The following NLRP2 variants were observed in gnomAD, a reference collection of about 807,000 sequenced individuals.
NLRP2 encodes NLR family pyrin domain containing 2.
Under a neutral mutation model 97.2 loss-of-function variants are expected in NLRP2, and 107 were observed. The ratio of observed to expected loss-of-function variants is 1.10; its 90% CI spans 0.94 to 1.29. The LOEUF is 1.29. NLRP2 is among the 50% of genes most tolerant of loss of function. The pLI, the probability that NLRP2 is intolerant of heterozygous loss-of-function variation, is 0.00. For missense variants in NLRP2, 1,495 were observed against 1,330.3 expected, an observed-to-expected ratio of 1.12 and a Z score of -1.93; for synonymous variants, 663 against 551.5, an observed-to-expected ratio of 1.20 and a Z score of -2.83.
intron 12 of NLRP2, among the ~76,000 whole-genome samples, chr19:54,997,857 G>A (rs1406947781): frequency 1.7e-5 from 1 of 60,468 alleles, no homozygotes; most frequent in Non-Finnish European, 3.2e-5. Context: ...CCAGCTCCTG[G>A]GCTCAAGCAA....
chr19:54,998,906 CTGAG>C, intron 12 of NLRP2, among the ~76,000 whole-genome samples: 1 of 151,588 alleles, frequency 6.6e-6, no homozygotes, highest in Non-Finnish European at 1.5e-5. Flanking sequence ...CCGTTTAACT[CTGAG>C]TGGACACAGC....
At chr19:55,000,626 C>T (rs2073134805) in intron 12 of NLRP2, 134 bp from the exon 13 acceptor site, 1 of 870,018 alleles carries the variant, frequency 1.1e-6, no homozygotes, top group Admixed American at 2.2e-5. Context: ...GTGGAACACT[C>T]CTTTGCCACC....
At chr19:54,995,717 C>T (rs1412056024) in intron 11 of NLRP2, among the ~76,000 whole-genome samples, 1 of 152,098 alleles carries the variant, frequency 6.6e-6, no homozygotes, top group Admixed American at 6.6e-5. Context: ...GCACTTGAAC[C>T]TGGAATCCTA....
intron 2 of NLRP2, chr19:54,974,015 C>A (rs758916247): frequency 1.6e-6 from 2 of 1,269,216 alleles, no homozygotes; most frequent in Non-Finnish European, 2.3e-6. Flanking sequence ...TGTGCTAAGG[C>A]TTGAGTGCCT....
chr19:55,000,183 G>T (rs940860320), intron 12 of NLRP2, among the ~76,000 whole-genome samples: 11 of 149,566 alleles, frequency 7.4e-5, no homozygotes, highest in Non-Finnish European at 1.3e-4. Context: ...GGAGGCAGAG[G>T]ATAGGATGGC....
At chr19:54,970,393 G>A in intron 2 of NLRP2, 98 bp downstream of exon 2, 1 of 1,443,654 alleles carries the variant, frequency 6.9e-7, no homozygotes, top group Non-Finnish European at 9.7e-7. Context: ...GCTCACGCCT[G>A]TCGTCCCAGC....
At chr19:54,977,915 T>G in intron 4 of NLRP2, 92 bp downstream of exon 4, 1 of 1,111,700 alleles carries the variant, frequency 9.0e-7, no homozygotes, top group Non-Finnish European at 1.3e-6. Context: ...CCCATCTCTC[T>G]CCAATCTTTT....
Position 54,970,133 on chromosome 19 carries a change from C to T in NLRP2, c.118C>T (p.Gln40Ter), listed in dbSNP as rs776308630. 2 of 1,614,100 alleles carry T rather than the reference C, an allele frequency of 1.2e-6. No individual in the cohort carries two copies. The highest frequency in any genetic ancestry group is 8.5e-7 in the Non-Finnish European group (1 of 1,180,022). The change falls in exon 2 of 13, where the codon CAG becomes TAG. Residue 40 changes from glutamine to a stop codon, truncating the protein, a stop_gained. Coordinates refer to ENST00000448584, the MANE Select transcript of NLRP2 (RefSeq NM_017852.5). LOFTEE classifies it high-confidence loss of function. ...ITTFSLAHEL[Q>*]KIPHKEVDKA... ...GACCTTCTCCCTGGCACACGAGCTC[C>T]AGAAGATCCCCCACAAGGAGGTAGA...
intron 2 of NLRP2, among the ~76,000 whole-genome samples, chr19:54,971,820 A>ATTTTAT (rs2070872000): frequency 6.6e-6 from 1 of 151,832 alleles, no homozygotes; most frequent in Non-Finnish European, 1.5e-5. Context: ...TAAAATGCAC[A>ATTTTAT]TGAACTATGG....
intron 4 of NLRP2, among the ~76,000 whole-genome samples, chr19:54,980,463 G>A (rs2071502264): frequency 6.6e-6 from 1 of 152,156 alleles, no homozygotes; most frequent in South Asian, 2.1e-4. Context: ...CAAAGTGCTG[G>A]GATTACAGGC....
chr19:55,000,190 T>A (rs1193866972), intron 12 of NLRP2, among the ~76,000 whole-genome samples: 1 of 145,456 alleles, frequency 6.9e-6, no homozygotes, highest in Admixed American at 7.0e-5. Flanking sequence ...GAGGATAGGA[T>A]GGCTTGAACC....
Position 54,982,699 on chromosome 19 carries a change from TCAC to T in NLRP2, c.1005_1007del (p.Thr336del). ...ATGTTACCCAAGGCCGCCCTGCTGG[TCAC>T]CACGCGGCCCAGGGCCCTGAGGGAC... On this transcript the variant is annotated inframe_deletion, in exon 6 of 13. Transcript: ENST00000448584. 4 of 1,614,016 alleles carry T rather than the reference TCAC, an allele frequency of 2.5e-6. No homozygotes were observed. In the South Asian group the frequency reaches 4.4e-5, roughly 18 times the overall value.
intron 6 of NLRP2, among the ~76,000 whole-genome samples, chr19:54,984,329 GT>G (rs200366059): frequency 0.18 from 14,443 of 79,454 alleles, 530 homozygotes; most frequent in East Asian, 0.31. Context: ...TTTTTTTTGT[GT>G]TTTTTTTTTT....
rs199475710 is a variant in NLRP2, at chr19:54,974,547, A to C, written c.325+3A>C. ...TAAAAGGAAGCCTCTATCATTAGGT[A>C]AGTTACCTCATTTATAACTTTTATT... is the stretch of plus-strand genomic sequence containing the variant. On this transcript the variant is annotated splice_donor_region_variant and intron_variant, in intron 3 of 12. Coordinates refer to ENST00000448584, the MANE Select transcript of NLRP2 (RefSeq NM_017852.5). 1 of 1,577,212 alleles carries C rather than the reference A, an allele frequency of 6.3e-7. No individual in the cohort carries two copies. Among genetic ancestry groups the C allele is most frequent in the East Asian group, 2.2e-5 (1 of 44,606 alleles).
At chr19:54,984,569 G>A (rs1023683263) in intron 6 of NLRP2, among the ~76,000 whole-genome samples, 5 of 134,592 alleles carry the variant, frequency 3.7e-5, no homozygotes, top group Admixed American at 8.3e-5. Context: ...TGCAACCTCC[G>A]CCCCACCAGG....
chr19:54,994,294 G>A lies in NLRP2; in HGVS notation c.2734G>A (p.Asp912Asn), dbSNP rs746718511. The change falls in exon 11 of 13, where the codon GAT (aspartate) becomes AAT (asparagine). Residue 912 changes from aspartate (D) to asparagine (N), a missense_variant. Coordinates refer to ENST00000448584, the MANE Select transcript of NLRP2 (RefSeq NM_017852.5). ...GCTTTGGAACTGCGACATAACTAGC[G>A]ATGGCTGCTGCGATCTCACAAAGCT... The part of the protein sequence containing the change: ...LVLWNCDITS[D>N]GCCDLTKLLQ... The A allele has an allele frequency of 1.1e-5, 18 of 1,614,012 alleles. No individual in the cohort carries two copies. Among genetic ancestry groups the A allele is most frequent in the East Asian group, 4.5e-5 (2 of 44,890 alleles).
intron 9 of NLRP2, 151 bp downstream of exon 9, chr19:54,990,343 GTTC>G (rs749994945): frequency 3.5e-6 from 4 of 1,133,036 alleles, no homozygotes; most frequent in Non-Finnish European, 5.3e-6. Context: ...TGTGAATTTT[GTTC>G]TTCTCTCATT....
At chr19:54,987,483 C>T (rs190440766) in intron 8 of NLRP2, among the ~76,000 whole-genome samples, 175 of 152,224 alleles carry the variant, frequency 1.1e-3, no homozygotes, top group African/African-American at 3.9e-3. Context: ...CTGGGCCAGG[C>T]GCAGTGGCTC....
chr19:54,999,041 CA>C (rs2073030009), intron 12 of NLRP2, among the ~76,000 whole-genome samples: 4 of 147,712 alleles, frequency 2.7e-5, no homozygotes, highest in Non-Finnish European at 3.0e-5. Context: ...CCCTCCCGGA[CA>C]GGGCGGCTGG....
Sources: allele counts gnomAD v4.1 joint callset (sites outside exome capture counted in the v4.1 genomes callset), GRCh38; gene constraint gnomAD v4.1.1; transcripts MANE v1.5; gene names NCBI Gene and HGNC (gene_info 2026-07-23, HGNC 2026-07-21).